Variants in AGAP1 observed in about 807,000 individuals in gnomAD.
AGAP1 encodes ArfGAP with GTPase domain, ankyrin repeat and PH domain 1.
In AGAP1, 29 loss-of-function variants were observed where a neutral mutation model predicts 105.3. The observed-to-expected ratio is 0.28, with a 90% CI of 0.21 to 0.38. The LOEUF (loss-of-function observed/expected upper bound fraction) is 0.38, where lower values mean the gene tolerates loss of function less well. Among genes scored for constraint, AGAP1 ranks in the 10% least tolerant of loss-of-function variants. AGAP1 has a pLI of 1.00. For missense variants in AGAP1, 998 were observed against 1,165.1 expected, an observed-to-expected ratio of 0.86 and a Z score of 2.09; for synonymous variants, 509 against 485.9, an observed-to-expected ratio of 1.05 and a Z score of -0.63.
At chr2:235,897,800 T>C (rs992551744) in intron 10 of AGAP1, among the ~76,000 whole-genome samples, 4 of 152,318 alleles carry the variant, frequency 2.6e-5, no homozygotes, top group Admixed American at 2.0e-4. Context: ...AATTTCATTA[T>C]TATATTTTAT....
chr2:235,532,509 C>A (rs1351830439), intron 1 of AGAP1, among the ~76,000 whole-genome samples: 2 of 152,176 alleles, frequency 1.3e-5, no homozygotes, highest in Non-Finnish European at 2.9e-5. Flanking sequence ...CCTGCCCTAC[C>A]TTTGTGTTTT....
At chr2:235,738,563 C>CT (rs749327124) in intron 3 of AGAP1, among the ~76,000 whole-genome samples, 3,239 of 144,036 alleles carry the variant, frequency 0.022, 48 homozygotes, top group African/African-American at 0.037. Context: ...TTCTTTCTTT[C>CT]TTTTTTTTTT....
chr2:235,677,481 C>G (rs534452008), intron 1 of AGAP1, among the ~76,000 whole-genome samples: 1 of 152,170 alleles, frequency 6.6e-6, no homozygotes, highest in East Asian at 1.9e-4. Context: ...CTATACTGTC[C>G]TTTGTTTGGA....
intron 1 of AGAP1, among the ~76,000 whole-genome samples, chr2:235,589,196 T>TTG (rs1389688733): frequency 6.5e-4 from 54 of 83,484 alleles, no homozygotes; most frequent in South Asian, 9.0e-4. Flanking sequence ...ATTGTTTTGT[T>TTG]TTTTTTTTTT....
intron 9 of AGAP1, among the ~76,000 whole-genome samples, chr2:235,854,023 G>A (rs1331624088): frequency 1.3e-5 from 2 of 151,930 alleles, no homozygotes; most frequent in East Asian, 3.9e-4. Context: ...GGCTTTCTTT[G>A]AGTGTAGAAA....
intron 3 of AGAP1, among the ~76,000 whole-genome samples, chr2:235,717,922 C>T (rs1180227192): frequency 6.6e-6 from 1 of 152,098 alleles, no homozygotes; most frequent in Non-Finnish European, 1.5e-5. Flanking sequence ...CTTTTTAATC[C>T]AGTGTCCTTC....
rs867891172 is a variant in AGAP1 at position 236,101,730 on chromosome 2, C to T, written c.2115-18462C>T. The stretch of plus-strand genomic sequence containing the variant: ...TGGTGAACGGAATTCACTGTGATGG[C>T]GGCTGCACCAGCAGAGCCGCCGTGG... On this transcript the variant is annotated intron_variant, in intron 16 of 17. Transcript: ENST00000304032. This position sits in a 1 kb window ranked among gnomAD's most constrained non-coding sequence, Gnocchi z 4.9. Among the ~76,000 whole-genome samples the T allele has an allele frequency of 3.9e-5, 6 of 152,322 alleles. No individual in the cohort carries two copies. The highest frequency in any genetic ancestry group is 2.1e-4 in the South Asian group (1 of 4,824).
rs149665957 is a variant in AGAP1, at chr2:235,982,837, T to C, written c.1645+14214T>C. 2.9e-3 allele frequency among the ~76,000 whole-genome samples: 445 copies of C among 152,360 alleles called. 1 individual carries two copies. Among genetic ancestry groups the C allele is most frequent in the Non-Finnish European group, 4.9e-3 (331 of 68,032 alleles). On this transcript the variant is annotated intron_variant, in intron 13 of 17. Transcript: ENST00000304032. The surrounding 1 kb of genome is among the most constrained non-coding windows in gnomAD (Gnocchi z 4.9). ...CTGTCATCAGTGACTTGTTACCTTC[T>C]GTTTCTGATTGCCAGCTCATCAGCT...
At chr2:235,774,012 C>G (rs900767033) in intron 6 of AGAP1, 2 of 466,816 alleles carry the variant, frequency 4.3e-6, no homozygotes, top group African/African-American at 4.0e-5. Flanking sequence ...TAAAACAGGA[C>G]CAAGAGATAG....
Position 235,617,589 on chromosome 2 carries a change from C to T in AGAP1, c.164-91590C>T, listed in dbSNP as rs372354321. Among the ~76,000 whole-genome samples the T allele has an allele frequency of 2.6e-4, 39 of 152,234 alleles. No individual in the cohort carries two copies. The South Asian group carries it at 7.3e-3, about 28-fold the overall frequency. On this transcript the variant is annotated intron_variant, in intron 1 of 17. Coordinates refer to ENST00000304032, the MANE Select transcript of AGAP1 (RefSeq NM_001037131.3). ...TGTTGGTGGGCACCTGTAATCCCAG[C>T]TACTCAGGAGGCCGAGGCAGGAGAA...
At chr2:235,617,306 T>C (rs1310264038) in intron 1 of AGAP1, among the ~76,000 whole-genome samples, 1 of 152,236 alleles carries the variant, frequency 6.6e-6, no homozygotes, top group African/African-American at 2.4e-5. Flanking sequence ...CAAACAATTC[T>C]TGAAAACGTT....
At chr2:235,757,822 A>G (rs960743536) in intron 6 of AGAP1, among the ~76,000 whole-genome samples, 3 of 152,164 alleles carry the variant, frequency 2.0e-5, no homozygotes, top group Admixed American at 6.5e-5. Flanking sequence ...GCCTGGTCCT[A>G]ATTACAGGAG....
rs1172737406 is a variant in AGAP1, at chr2:235,572,976, TTTCTTCTTCTTCTTCTTCTTC to T, written c.163+78193_163+78213del. ...CAGACTCCCCGATTGCTCCATCTTT[TTTCTTCTTCTTCTTCTTCTTC>T]TTCTTCTTCTTCTTCTTCTTCTTCT... On this transcript the variant is annotated intron_variant, in intron 1 of 17. Coordinates refer to ENST00000304032, the MANE Select transcript of AGAP1 (RefSeq NM_001037131.3). Among the ~76,000 whole-genome samples, 486 of 104,014 alleles carry T rather than the reference TTTCTTCTTCTTCTTCTTCTTC, an allele frequency of 4.7e-3. 36 individuals are homozygous for T. Among genetic ancestry groups the T allele is most frequent in the Non-Finnish European group, 7.0e-3 (367 of 52,496 alleles). The allele number at this position is 104,014 out of a possible 152,430, so 68.2% of individuals were successfully genotyped here.
rs146425048 is a variant in AGAP1, at chr2:235,854,383, C to T, written c.1051-28962C>T. Among the ~76,000 whole-genome samples the T allele has an allele frequency of 5.9e-5, 9 of 152,334 alleles. No homozygotes were observed. The East Asian group carries it at 9.6e-4, about 16-fold the overall frequency. On this transcript the variant is annotated intron_variant, in intron 9 of 17. Coordinates refer to ENST00000304032, the MANE Select transcript of AGAP1 (RefSeq NM_001037131.3). The stretch of plus-strand genomic sequence containing the variant: ...TGCTCTCCTTCCCTCTTTTTCTCCC[C>T]GATAGATGGGACCTGTGAGGCCTGT...
intron 1 of AGAP1, among the ~76,000 whole-genome samples, chr2:235,499,565 G>A (rs576640580): frequency 3.3e-5 from 5 of 152,220 alleles, no homozygotes; most frequent in South Asian, 2.1e-4. Context: ...GTACCTTGCC[G>A]GCACCCGGGA....
Position 235,883,272 on chromosome 2 carries a change from T to G in AGAP1, c.1051-73T>G. 1 of 1,288,214 alleles carries G rather than the reference T, an allele frequency of 7.8e-7. No individual in the cohort carries two copies. Among genetic ancestry groups the G allele is most frequent in the Non-Finnish European group, 1.1e-6 (1 of 892,854 alleles). 79.8% of individuals were successfully genotyped at this position (1,288,214 alleles called of 1,614,324 possible). A position where few individuals can be genotyped will look rare whatever the true frequency, so the allele number is the denominator to read the frequency against. On this transcript the variant is annotated intron_variant, in intron 9 of 17. Transcript: ENST00000304032. This position sits in a 1 kb window ranked among gnomAD's most constrained non-coding sequence, Gnocchi z 4.5. ...CACACACACAGAACTTGAATGTATA[T>G]GTTGCCTGTGTACCTGCCTTTTCTT...
At position 235,586,088 on chromosome 2, in the gene AGAP1, GT is replaced by G. The variant is rs1170714759; in HGVS notation, c.163+91241del. On this transcript the variant is annotated intron_variant, in intron 1 of 17. Coordinates refer to ENST00000304032, the MANE Select transcript of AGAP1 (RefSeq NM_001037131.3). This position sits in a 1 kb window ranked among gnomAD's most constrained non-coding sequence, Gnocchi z 4.2. ...AGCTTCATGAGCGAGTCAAATGCAA[GT>G]TGGGGAAGTGGCTGAAAAAAATGCC... Among the ~76,000 whole-genome samples, 9 of 152,154 alleles carry G rather than the reference GT, an allele frequency of 5.9e-5. No homozygotes were observed. The highest frequency in any genetic ancestry group is 1.9e-4 in the African/African-American group (8 of 41,444).
intron 1 of AGAP1, chr2:235,670,427 C>T: frequency 1.8e-6 from 1 of 557,188 alleles, no homozygotes. Context: ...GCGGCTCCGG[C>T]CGTGCGCACG....
At chr2:235,513,628 C>A (rs1231298112) in intron 1 of AGAP1, among the ~76,000 whole-genome samples, 2 of 152,110 alleles carry the variant, frequency 1.3e-5, no homozygotes, top group African/African-American at 4.8e-5. Context: ...TCATGACGAG[C>A]CCCCTGGCAA....
Sources: gnomAD v4.1 joint callset for allele counts (sites outside exome capture counted in the v4.1 genomes callset) on GRCh38, gnomAD v4.1.1 for gene constraint, Gnocchi (gnomAD v3.1) non-coding constraint, MANE v1.5 for transcripts, NCBI Gene and HGNC (gene_info 2026-07-23, HGNC 2026-07-21) for gene names.